The following NTN1 variants were observed in gnomAD, a reference collection of about 807,000 sequenced individuals.
NTN1 encodes the protein netrin-1.
In NTN1, 11 loss-of-function variants were observed where a neutral mutation model predicts 54.2. That is an observed-to-expected ratio of 0.20 (90% CI 0.13 to 0.34). The LOEUF (loss-of-function observed/expected upper bound fraction) is 0.34. Ranked by LOEUF, NTN1 falls within the 10% of genes least tolerant of loss-of-function variation. The probability of loss-of-function intolerance (pLI) is 1.00; values close to 1 mark genes in which losing one functional copy is unlikely to be tolerated. For synonymous variants in NTN1, 371 were observed against 382.0 expected (o/e 0.97, Z 0.33); for missense variants, 740 against 893.1 (o/e 0.83, Z 2.18).
At chr17:9,103,327 G>A (rs1416654628) in intron 2 of NTN1, among the ~76,000 whole-genome samples, 1 of 152,168 alleles carries the variant, frequency 6.6e-6, no homozygotes, top group Non-Finnish European at 1.5e-5. Flanking sequence ...GATATGGTTT[G>A]GCTGTGTCCC....
chr17:9,079,566 G>A (rs995828092), intron 2 of NTN1, among the ~76,000 whole-genome samples: 3 of 152,206 alleles, frequency 2.0e-5, no homozygotes, highest in Non-Finnish European at 4.4e-5. Context: ...CCTTGAGGAA[G>A]TGGTTCCCCA....
chr17:9,068,733 C>T (rs1228130026), intron 2 of NTN1, among the ~76,000 whole-genome samples: 1 of 152,080 alleles, frequency 6.6e-6, no homozygotes, highest in Non-Finnish European at 1.5e-5. Context: ...GTCTCGAACT[C>T]CTGACCTTAG....
the NTN1 span, among the ~76,000 whole-genome samples, chr17:9,004,699 G>T: frequency 5.9e-5 from 9 of 151,744 alleles, no homozygotes; most frequent in Non-Finnish European, 1.2e-4. Flanking sequence ...CTCTAGCCAG[G>T]TGAAGCTCCA....
chr17:9,080,606 G>A (rs1475459611), intron 2 of NTN1, among the ~76,000 whole-genome samples: 1 of 152,208 alleles, frequency 6.6e-6, no homozygotes, highest in Non-Finnish European at 1.5e-5. Flanking sequence ...GTTGGTGGCT[G>A]GCAGCCTCCA....
In NTN1 at chr17:9,106,479, T is replaced by TCCTTCCTC. The variant is rs2092166900; in HGVS notation, c.1019-56327_1019-56326insCCCTTCCT. On this transcript the variant is annotated intron_variant, in intron 2 of 6. Transcript: ENST00000173229. ...TTCCTTCCTTCCTCCCTTCCTTCCT[T>TCCTTCCTC]CCTTCCTTCCTTCCTTCCTTCCTTC... Among the ~76,000 whole-genome samples the TCCTTCCTC allele has an allele frequency of 1.6e-4, 4 of 25,438 alleles. No individual in the cohort carries two copies. The Admixed American group carries it at 1.6e-3, about 10-fold the overall frequency. 16.7% of individuals were successfully genotyped at this position (25,438 alleles called of 152,430 possible).
intron 5 of NTN1, among the ~76,000 whole-genome samples, chr17:9,185,767 C>T (rs965729717): frequency 6.6e-6 from 1 of 152,210 alleles, no homozygotes; most frequent in Non-Finnish European, 1.5e-5. Flanking sequence ...CACCCCTTCC[C>T]CACCTATCAA....
Position 9,096,374 on chromosome 17 carries a change from T to C in NTN1, c.1019-66439T>C, listed in dbSNP as rs2142237872. On this transcript the variant is annotated intron_variant, in intron 2 of 6. Transcript: ENST00000173229. Reference sequence around the variant, plus strand: ...TGGGTTTTATGGGTAGACTTTTTTTTTTTTTTTTTTTTTTGAGATGGAGTC... The same window carrying C: ...TGGGTTTTATGGGTAGACTTTTTTTCTTTTTTTTTTTTTTGAGATGGAGTC... Among the ~76,000 whole-genome samples the C allele has an allele frequency of 1.5e-5, 2 of 132,332 alleles. 1 individual carries two copies. Among genetic ancestry groups the C allele is most frequent in the Admixed American group, 1.5e-4 (2 of 13,064 alleles). The allele number at this position is 132,332 out of a possible 152,430, so 86.8% of individuals were successfully genotyped here. A position where few individuals can be genotyped will look rare whatever the true frequency, so the allele number is the denominator to read the frequency against.
At chr17:9,144,772 A>G (rs1190851614) in intron 2 of NTN1, among the ~76,000 whole-genome samples, 4 of 152,210 alleles carry the variant, frequency 2.6e-5, no homozygotes, top group South Asian at 2.1e-4. Flanking sequence ...AAGCGAGCAC[A>G]TGGAGGAAAT....
chr17:9,226,409 GCC>G (rs1905550634), intron 6 of NTN1, among the ~76,000 whole-genome samples: 1 of 149,134 alleles, frequency 6.7e-6, no homozygotes, highest in Non-Finnish European at 1.5e-5. Flanking sequence ...AGGGGTGGGG[GCC>G]GTGGGGAGGC....
At chr17:9,117,771 C>CAAAAA (rs11414930) in intron 2 of NTN1, among the ~76,000 whole-genome samples, 3 of 126,780 alleles carry the variant, frequency 2.4e-5, no homozygotes, top group East Asian at 2.3e-4. Context: ...ACAAAAAAAC[C>CAAAAA]AAAAAAAAAA....
At chr17:9,121,281 C>T (rs1295698496) in intron 2 of NTN1, among the ~76,000 whole-genome samples, 2 of 152,156 alleles carry the variant, frequency 1.3e-5, no homozygotes, top group African/African-American at 4.8e-5. Context: ...ACTTTCACTT[C>T]TTTTCCCCAT....
intron 5 of NTN1, among the ~76,000 whole-genome samples, chr17:9,195,412 G>T (rs1904604983): frequency 6.6e-6 from 1 of 152,224 alleles, no homozygotes; most frequent in African/African-American, 2.4e-5. Flanking sequence ...TCCCACTGGG[G>T]GATCAAGGAG....
intron 2 of NTN1, among the ~76,000 whole-genome samples, chr17:9,103,279 A>T (rs2092156112): frequency 6.6e-6 from 1 of 152,152 alleles, no homozygotes; most frequent in Admixed American, 6.5e-5. Flanking sequence ...ATGTCCATGG[A>T]TTGATGAATG....
At chr17:9,059,409 A>G (rs1031932485) in intron 2 of NTN1, among the ~76,000 whole-genome samples, 1 of 152,238 alleles carries the variant, frequency 6.6e-6, no homozygotes, top group African/African-American at 2.4e-5. Context: ...AAAGGTGGAA[A>G]CAACCCACAT....
At chr17:9,037,004 C>A (rs1729674019) in intron 2 of NTN1, among the ~76,000 whole-genome samples, 2 of 152,150 alleles carry the variant, frequency 1.3e-5, no homozygotes, top group Admixed American at 1.3e-4. Flanking sequence ...AGTGTGTTCG[C>A]TAGCTGGTCT....
At chr17:9,059,824 A>G (rs1202972824) in intron 2 of NTN1, among the ~76,000 whole-genome samples, 3 of 33,630 alleles carry the variant, frequency 8.9e-5, no homozygotes, top group African/African-American at 5.4e-4. Context: ...TTTCACCTCA[A>G]TTACAAAAAA....
rs746951758 is a variant in NTN1, at chr17:9,239,804, C to A, written c.1651C>A (p.Pro551Thr). The change falls in exon 7 of 7, where the codon CCC (proline) becomes ACC (threonine). Residue 551 changes from proline to threonine, a missense_variant. Pro to Thr is a conservative substitution (Grantham distance 38). Coordinates refer to ENST00000173229, the MANE Select transcript of NTN1 (RefSeq NM_004822.3). The surrounding 1 kb of genome is among the most constrained non-coding windows in gnomAD (Gnocchi z 5.2). ...CGCCTGCAAGTGTCCCAAAATCAAG[C>A]CCCTCAAGAAGTACCTGCTGCTGGG... is the stretch of plus-strand genomic sequence containing the variant. The part of the protein sequence containing the change: ...DIACKCPKIK[P>T]LKKYLLLGNA... 5 of 1,613,740 alleles carry A rather than the reference C, an allele frequency of 3.1e-6. No homozygotes were observed. The highest frequency in any genetic ancestry group is 4.2e-6 in the Non-Finnish European group (5 of 1,180,028).
chr17:9,065,390 C>G (rs2092011996), intron 2 of NTN1, among the ~76,000 whole-genome samples: 1 of 152,218 alleles, frequency 6.6e-6, no homozygotes, highest in Admixed American at 6.5e-5. Flanking sequence ...CTGTTCTTCC[C>G]ACTCTTCTGT....
intron 2 of NTN1, among the ~76,000 whole-genome samples, chr17:9,046,895 CA>C (rs2091943035): frequency 6.6e-6 from 1 of 152,128 alleles, no homozygotes; most frequent in Non-Finnish European, 1.5e-5. Context: ...ACACACCTTA[CA>C]GATATTATAG....
Sources: allele counts gnomAD v4.1 joint callset (sites outside exome capture counted in the v4.1 genomes callset), GRCh38; gene constraint gnomAD v4.1.1; non-coding constraint Gnocchi (gnomAD v3.1); transcripts MANE v1.5; gene names NCBI Gene and HGNC (gene_info 2026-07-23, HGNC 2026-07-21).